Variants in NPHP1 observed in about 807,000 individuals in gnomAD.
NPHP1 encodes nephrocystin-1.
NPHP1 carries 70 observed loss-of-function variants against 90.4 expected under a neutral mutation model. The ratio of observed to expected loss-of-function variants is 0.77; its 90% CI spans 0.64 to 0.95. The LOEUF (loss-of-function observed/expected upper bound fraction) is 0.95, where lower values mean the gene tolerates loss of function less well. NPHP1 is among the 40% of genes least tolerant of loss of function. The pLI is 0.00. For synonymous variants in NPHP1, 256 were observed against 271.7 expected (o/e 0.94, Z 0.57); for missense variants, 764 against 795.9 (o/e 0.96, Z 0.48).
intron 16 of NPHP1, among the ~76,000 whole-genome samples, chr2:110,137,597 G>C (rs1680297059): frequency 6.6e-6 from 1 of 152,200 alleles, no homozygotes; most frequent in South Asian, 2.1e-4. Context: ...CTGGCCATCA[G>C]AGAAATGCAA....
intron 17 of NPHP1, among the ~76,000 whole-genome samples, 181 bp downstream of exon 17, chr2:110,131,498 C>T (rs1679771001): frequency 6.6e-6 from 1 of 152,150 alleles, no homozygotes; most frequent in African/African-American, 2.4e-5. Context: ...GTGTCGAGTT[C>T]ACAAAGCTCA....
At chr2:110,177,348 A>G (rs1163487023) in intron 4 of NPHP1, among the ~76,000 whole-genome samples, 1 of 152,138 alleles carries the variant, frequency 6.6e-6, no homozygotes, top group African/African-American at 2.4e-5. Flanking sequence ...ATACAGTATA[A>G]AGGTTGGAGA....
chr2:110,177,098 G>A (rs1262557783), intron 4 of NPHP1, among the ~76,000 whole-genome samples: 1 of 152,100 alleles, frequency 6.6e-6, no homozygotes, highest in Admixed American at 6.5e-5. Context: ...ATTATTCCCA[G>A]GGAAAAGGTC....
At chr2:110,168,723 C>A (rs1402122919) in intron 5 of NPHP1, among the ~76,000 whole-genome samples, 170 bp from the exon 6 acceptor site, 3 of 152,102 alleles carry the variant, frequency 2.0e-5, no homozygotes, top group African/African-American at 7.2e-5. Context: ...CCTATGTATT[C>A]TGCCTAACTC....
chr2:110,159,108 T>G (rs1682119728), intron 11 of NPHP1, among the ~76,000 whole-genome samples: 1 of 152,074 alleles, frequency 6.6e-6, no homozygotes, highest in Non-Finnish European at 1.5e-5. Flanking sequence ...GGAATGTACA[T>G]TTGAATTCCT....
At position 110,168,445 on chromosome 2, in the gene NPHP1, G is replaced by A. The variant is rs1682870630; in HGVS notation, c.624+7C>T. 6.4e-7 allele frequency: 1 copy of A among 1,569,530 alleles called. No individual in the cohort carries two copies. Among genetic ancestry groups the A allele is most frequent in the Non-Finnish European group, 8.8e-7 (1 of 1,140,816 alleles). ...CTTAGAAAAGGAAGGCATAAACCAA[G>A]ACTAACCTCTAGGTAGGTTCTGGGA... On this transcript the variant is annotated splice_region_variant and intron_variant, in intron 6 of 19. Transcript: ENST00000445609.
At chr2:110,152,099 A>C (rs1681512924) in intron 11 of NPHP1, among the ~76,000 whole-genome samples, 1 of 152,126 alleles carries the variant, frequency 6.6e-6, no homozygotes, top group Non-Finnish European at 1.5e-5. Flanking sequence ...ACCAGACCCA[A>C]AGAATGAAGA....
At chr2:110,158,455 T>C (rs1682071768) in intron 11 of NPHP1, among the ~76,000 whole-genome samples, 1 of 152,080 alleles carries the variant, frequency 6.6e-6, no homozygotes, top group East Asian at 1.9e-4. Flanking sequence ...GTTTCTCTTT[T>C]CAGTTCTAAC....
chr2:110,129,886 T>TA (rs1679660407), intron 17 of NPHP1, among the ~76,000 whole-genome samples: 1 of 152,194 alleles, frequency 6.6e-6, no homozygotes, highest in Admixed American at 6.5e-5. Flanking sequence ...AGACATGTCT[T>TA]AGTCTGTTTG....
At chr2:110,159,843 C>A (rs1682172845) in intron 11 of NPHP1, among the ~76,000 whole-genome samples, 1 of 152,010 alleles carries the variant, frequency 6.6e-6, no homozygotes, top group Non-Finnish European at 1.5e-5. Flanking sequence ...GTTTAACTCA[C>A]TCTTCTTTTT....
Position 110,143,564 on chromosome 2 carries a change from T to C in NPHP1, c.1507A>G (p.Arg503Gly). The change falls in exon 16 of 20, where the codon AGA becomes GGA. Residue 503 changes from arginine (R) to glycine (G), a missense_variant. Physicochemically the swap from Arg to Gly is moderately radical, Grantham distance 125. Transcript: ENST00000445609. ...QLLVKLRSLNRRSRNVLSLLP... is the reference protein window; with the variant it reads ...QLLVKLRSLNGRSRNVLSLLP... Reference sequence around the variant, plus strand: ...CACCTTAGTACATTTCTTGATCTTCTGTTCAAGGATCTCAGTTTCACTAGA... The same window carrying C: ...CACCTTAGTACATTTCTTGATCTTCCGTTCAAGGATCTCAGTTTCACTAGA... The C allele has an allele frequency of 1.2e-6, 2 of 1,612,880 alleles. No individual in the cohort carries two copies. The highest frequency in any genetic ancestry group is 1.7e-6 in the Non-Finnish European group (2 of 1,178,810).
Position 110,143,568 on chromosome 2 carries a change from C to G in NPHP1, c.1503G>C (p.Leu501Phe). 6.2e-7 allele frequency: 1 copy of G among 1,613,260 alleles called. No homozygotes were observed. The highest frequency in any genetic ancestry group is 2.2e-5 in the East Asian group (1 of 44,868). Residue 501 changes from leucine to phenylalanine, a missense_variant, in exon 16 of 20, where the codon TTG becomes TTC. Transcript: ENST00000445609. Reference sequence around the variant, plus strand: ...TTAGTACATTTCTTGATCTTCTGTTCAAGGATCTCAGTTTCACTAGAAGTT... The same window carrying G: ...TTAGTACATTTCTTGATCTTCTGTTGAAGGATCTCAGTTTCACTAGAAGTT... ...QPQLLVKLRS[L>F]NRRSRNVLSL...
rs1679153432 is a variant in NPHP1 at position 110,123,870 on chromosome 2, G to A, written c.1955C>T (p.Pro652Leu). Residue 652 changes from proline (P) to leucine (L), a missense_variant, in exon 20 of 20, where the codon CCA (proline) becomes CTA (leucine). Physicochemically the swap from Pro to Leu is moderately conservative, Grantham distance 98. Transcript: ENST00000445609. ...NQGALQALLS[P>L]DGVHEPFDLS... The stretch of plus-strand genomic sequence containing the variant: ...GTCAAAAGGTTCATGAACTCCGTCT[G>A]GTGACAGCAGAGCTTGGAGGGCGCC... The A allele has an allele frequency of 1.2e-6, 2 of 1,614,100 alleles. No homozygotes were observed. Among genetic ancestry groups the A allele is most frequent in the Non-Finnish European group, 1.7e-6 (2 of 1,179,970 alleles).
At chr2:110,170,266 T>G (rs747304065) in intron 4 of NPHP1, among the ~76,000 whole-genome samples, 4 of 152,158 alleles carry the variant, frequency 2.6e-5, no homozygotes, top group Non-Finnish European at 5.9e-5. Context: ...AAGTCTTGGA[T>G]TCATCCATTC....
rs1185753691 is a variant in NPHP1 at position 110,160,156 on chromosome 2, C to T, written c.1054G>A (p.Val352Ile). The stretch of plus-strand genomic sequence containing the variant: ...TTACCATCAAATAGACAGAGGCGTA[C>T]ATGTCTGCTGAGAACCTGTATGCTC... ...GMSIQVLSRH[V>I]RLCLFDGNKV... The change falls in exon 11 of 20, where the codon GTA becomes ATA. Residue 352 changes from valine (V) to isoleucine (I), a missense_variant. Transcript: ENST00000445609. The T allele has an allele frequency of 6.2e-7, 1 of 1,613,096 alleles. No homozygotes were observed. The highest frequency in any genetic ancestry group is 1.1e-5 in the South Asian group (1 of 91,046).
At chr2:110,124,307 G>A (rs919186550) in intron 19 of NPHP1, 1 of 574,728 alleles carries the variant, frequency 1.7e-6, no homozygotes, top group Non-Finnish European at 3.1e-6. Context: ...ATGAGACCAG[G>A]GTGTCTCCTA....
chr2:110,151,289 C>G (rs1466882796), intron 11 of NPHP1, among the ~76,000 whole-genome samples: 3 of 151,620 alleles, frequency 2.0e-5, no homozygotes, highest in Non-Finnish European at 2.9e-5. Context: ...CTCAAGATCT[C>G]TAGGCCCATA....
rs772953015 is a variant in NPHP1, at chr2:110,123,977, T to TG, written c.1847dup (p.Phe617IlefsTer9). On this transcript the variant is annotated frameshift_variant, in exon 20 of 20. Coordinates refer to ENST00000445609, the MANE Select transcript of NPHP1 (RefSeq NM_001128178.3). LOFTEE classifies it high-confidence loss of function. The stretch of plus-strand genomic sequence containing the variant: ...CAGTCTCTTCTTCTGCCCACCTGAA[T>TG]GGGGGTAGGCGTGTGGAGTGGAGAA... 3 of 1,614,138 alleles carry TG rather than the reference T, an allele frequency of 1.9e-6. No homozygotes were observed. The highest frequency in any genetic ancestry group is 2.5e-6 in the Non-Finnish European group (3 of 1,179,962).
intron 1 of NPHP1, chr2:110,202,382 G>C (rs779667879): frequency 6.7e-6 from 3 of 447,716 alleles, no homozygotes; most frequent in African/African-American, 2.0e-5. Context: ...CCTAGTGATA[G>C]AGCCAGTCAT....
Sources: allele counts gnomAD v4.1 joint callset (sites outside exome capture counted in the v4.1 genomes callset), GRCh38; gene constraint gnomAD v4.1.1; transcripts MANE v1.5; gene names NCBI Gene and HGNC (gene_info 2026-07-23, HGNC 2026-07-21).